SAXO1: variants seen among roughly 807,000 people sequenced by gnomAD.
SAXO1 encodes stabilizer of axonemal microtubules 1, also known as 4930500O09Rik.
A neutral mutation model predicts 17.5 loss-of-function variants in SAXO1; 21 were observed. The ratio of observed to expected loss-of-function variants is 1.20; its 90% CI spans 0.85 to 1.72. SAXO1 has a LOEUF of 1.72. Ranked by LOEUF, SAXO1 falls within the 40% of genes most tolerant of loss-of-function variation. The pLI, the probability that SAXO1 is intolerant of heterozygous loss-of-function variation, is 0.00. For synonymous variants in SAXO1, 274 were observed against 216.5 expected, an observed-to-expected ratio of 1.27 and a Z score of -2.33; for missense variants, 843 against 596.0, an observed-to-expected ratio of 1.41 and a Z score of -4.32.
chr9:19,014,288 C>G (rs1230145150), intron 1 of SAXO1, among the ~76,000 whole-genome samples: 2 of 151,636 alleles, frequency 1.3e-5, no homozygotes, highest in Non-Finnish European at 2.9e-5. Context: ...TGGAGAAACC[C>G]TATCTCTACT....
chr9:19,045,957 C>T (rs1236482958), intron 1 of SAXO1, among the ~76,000 whole-genome samples: 1 of 152,016 alleles, frequency 6.6e-6, no homozygotes, highest in African/African-American at 2.4e-5. Context: ...CCTGGGGGCG[C>T]ATGCCTGTAA....
chr9:19,021,611 C>A (rs968024014), intron 1 of SAXO1, among the ~76,000 whole-genome samples: 1 of 152,172 alleles, frequency 6.6e-6, no homozygotes, highest in South Asian at 2.1e-4. Flanking sequence ...TATTCAAGGA[C>A]CTGAACAAGT....
intron 3 of SAXO1, among the ~76,000 whole-genome samples, chr9:18,940,846 T>C (rs185916359): frequency 1.3e-5 from 2 of 152,246 alleles, no homozygotes; most frequent in Non-Finnish European, 2.9e-5. Flanking sequence ...CCACACCTCA[T>C]AGGTAATATC....
At chr9:18,967,323 A>C (rs1050998644) in intron 1 of SAXO1, among the ~76,000 whole-genome samples, 1 of 152,194 alleles carries the variant, frequency 6.6e-6, no homozygotes, top group South Asian at 2.1e-4. Flanking sequence ...AGGAACATTT[A>C]AGTCTGCTGA....
chr9:19,038,058 T>C (rs902564952), upstream of SAXO1, among the ~76,000 whole-genome samples: 3 of 152,174 alleles, frequency 2.0e-5, no homozygotes, highest in African/African-American at 7.2e-5. Context: ...CACAATGAGA[T>C]ACCATCTCAC....
At chr9:19,020,344 ATT>A (rs770936586) in intron 1 of SAXO1, among the ~76,000 whole-genome samples, 1 of 111,226 alleles carries the variant, frequency 9.0e-6, no homozygotes, top group Non-Finnish European at 2.2e-5. Context: ...TGTCGAAATA[ATT>A]TTTTTTTTTT....
intron 1 of SAXO1, among the ~76,000 whole-genome samples, chr9:18,985,633 C>T (rs930544176): frequency 1.6e-4 from 24 of 152,162 alleles, no homozygotes; most frequent in African/African-American, 5.6e-4. Context: ...CAGCACCTCA[C>T]GATGGAGCCC....
chr9:19,038,306 A>G (rs1438460773), intron 1 of SAXO1, among the ~76,000 whole-genome samples: 7 of 152,172 alleles, frequency 4.6e-5, no homozygotes, highest in Non-Finnish European at 7.3e-5. Flanking sequence ...ACACATGCAC[A>G]TGTATGTTTA....
chr9:18,973,797 A>C (rs7856117), intron 1 of SAXO1, among the ~76,000 whole-genome samples: 112,324 of 152,182 alleles, frequency 0.74, 41,666 homozygotes, highest in Non-Finnish European at 0.79. Flanking sequence ...TATCCTGATC[A>C]CCTGATTATC....
In SAXO1 at chr9:18,973,947, T is replaced by C. The variant is rs546486517; in HGVS notation, c.39-23010A>G. ...GTTGGGTAATAATTAGAAAGAAAAA[T>C]AATGTACATACTTCCTTGCCTTAAA... On this transcript the variant is annotated intron_variant, in intron 1 of 3. Transcript: ENST00000380534. Among the ~76,000 whole-genome samples, 8 of 152,296 alleles carry C rather than the reference T, an allele frequency of 5.3e-5. No homozygotes were observed. The South Asian group carries it at 1.7e-3, about 32-fold the overall frequency.
chr9:18,987,870 C>A lies in SAXO1; in HGVS notation c.39-36933G>T, dbSNP rs1388955122. Among the ~76,000 whole-genome samples, 3 of 150,176 alleles carry A rather than the reference C, an allele frequency of 2.0e-5. No homozygotes were observed. The East Asian group carries it at 5.8e-4, about 29-fold the overall frequency. On this transcript the variant is annotated intron_variant, in intron 1 of 3. Coordinates refer to ENST00000380534, the MANE Select transcript of SAXO1 (RefSeq NM_153707.4). ...AGAGATGGCACCACCCCACTATAAC[C>A]TGGGCAACAGAGTGAGACCCTGTCT...
chr9:19,001,635 TAGCCTGGGCAACAG>T, intron 1 of SAXO1, among the ~76,000 whole-genome samples: 1 of 147,950 alleles, frequency 6.8e-6, no homozygotes, highest in Non-Finnish European at 1.5e-5. Flanking sequence ...CATTGCACTC[TAGCCTGGGCAACAG>T]AGCAAGACTC....
intron 1 of SAXO1, among the ~76,000 whole-genome samples, chr9:18,955,336 T>C (rs1238487261): frequency 5.3e-5 from 8 of 152,262 alleles, no homozygotes; most frequent in Non-Finnish European, 8.8e-5. Context: ...TTTTACTTTC[T>C]TACTCTTTCT....
chr9:18,980,966 G>A (rs543295571), intron 1 of SAXO1, among the ~76,000 whole-genome samples: 5 of 152,100 alleles, frequency 3.3e-5, no homozygotes, highest in Middle Eastern at 3.4e-3. Context: ...CTGGTAGAGC[G>A]TTACCTAAGT....
intron 1 of SAXO1, among the ~76,000 whole-genome samples, chr9:19,015,422 C>A (rs998929609): frequency 3.3e-4 from 50 of 152,182 alleles, no homozygotes; most frequent in Non-Finnish European, 1.2e-4. Flanking sequence ...TGGCTTACTG[C>A]AAGCTCCGCC....
chr9:18,950,056 T>C (rs1425812532), intron 2 of SAXO1, among the ~76,000 whole-genome samples: 6 of 152,082 alleles, frequency 3.9e-5, no homozygotes, highest in Non-Finnish European at 7.4e-5. Context: ...GAGTTGTCCA[T>C]GGCAGATTCT....
chr9:18,943,698 G>A (rs1475004949), intron 2 of SAXO1, among the ~76,000 whole-genome samples: 3 of 152,204 alleles, frequency 2.0e-5, no homozygotes, highest in Non-Finnish European at 4.4e-5. Flanking sequence ...ATAAAAGCCT[G>A]TGCTCAGTGA....
At chr9:18,986,892 C>A (rs1446761021) in intron 1 of SAXO1, among the ~76,000 whole-genome samples, 1 of 152,178 alleles carries the variant, frequency 6.6e-6, no homozygotes, top group Non-Finnish European at 1.5e-5. Context: ...TGACAATTTT[C>A]TGACAAATGG....
upstream of SAXO1, among the ~76,000 whole-genome samples, chr9:19,037,560 T>G (rs1324529910): frequency 1.3e-5 from 2 of 152,166 alleles, no homozygotes; most frequent in Non-Finnish European, 2.9e-5. Context: ...CTCATTTTTT[T>G]CTCTTGCTGC....
Sources: gnomAD v4.1 joint callset for allele counts (sites outside exome capture counted in the v4.1 genomes callset) on GRCh38, gnomAD v4.1.1 for gene constraint, MANE v1.5 for transcripts, NCBI Gene and HGNC (gene_info 2026-07-23, HGNC 2026-07-21) for gene names.